The following SND1 variants were observed in gnomAD, a reference collection of about 807,000 sequenced individuals.
The protein encoded by SND1 is staphylococcal nuclease and tudor domain containing 1.
SND1 carries 38 observed loss-of-function variants against 121.7 expected under a neutral mutation model. The ratio of observed to expected loss-of-function variants is 0.31; its 90% CI spans 0.24 to 0.41. SND1 has a LOEUF of 0.41. Among genes scored for constraint, SND1 ranks in the 10% least tolerant of loss-of-function variants. The probability of loss-of-function intolerance (pLI) is 1.00; values close to 1 mark genes in which losing one functional copy is unlikely to be tolerated. For missense variants in SND1, 868 were observed against 1,184.6 expected, an observed-to-expected ratio of 0.73 and a Z score of 3.92; for synonymous variants, 401 against 447.4, an observed-to-expected ratio of 0.90 and a Z score of 1.31.
At chr7:127,895,360 C>G (rs1370287449) in intron 13 of SND1, among the ~76,000 whole-genome samples, 5 of 152,066 alleles carry the variant, frequency 3.3e-5, no homozygotes, top group Non-Finnish European at 5.9e-5. Flanking sequence ...AGTTCGGTGC[C>G]TTACGACTGC....
intron 14 of SND1, among the ~76,000 whole-genome samples, chr7:127,921,871 G>A (rs575860740): frequency 2.0e-4 from 31 of 152,300 alleles, no homozygotes; most frequent in African/African-American, 6.3e-4. Flanking sequence ...TTAGCGTAGA[G>A]TAGTATTCCA....
At chr7:127,813,074 T>G (rs1798362397) in intron 11 of SND1, among the ~76,000 whole-genome samples, 2 of 152,236 alleles carry the variant, frequency 1.3e-5, no homozygotes, top group Admixed American at 1.3e-4. Context: ...CCTTGCCTCC[T>G]CAGTGCCAGC....
intron 12 of SND1, among the ~76,000 whole-genome samples, chr7:127,872,395 A>G (rs1315823262): frequency 6.6e-6 from 1 of 152,178 alleles, no homozygotes; most frequent in East Asian, 1.9e-4. Flanking sequence ...GACTTTCAGT[A>G]CTGAAGAATA....
chr7:127,886,776 C>G (rs2116729095), intron 12 of SND1, among the ~76,000 whole-genome samples: 1 of 148,822 alleles, frequency 6.7e-6, no homozygotes, highest in East Asian at 2.0e-4. Flanking sequence ...ATTCATCCTT[C>G]TCTAGCTAGT....
intron 15 of SND1, among the ~76,000 whole-genome samples, chr7:127,954,982 C>T (rs903630743): frequency 2.0e-5 from 3 of 152,188 alleles, no homozygotes; most frequent in Admixed American, 6.5e-5. Flanking sequence ...TCCCTAGTAT[C>T]TGCAGTGGGA....
At chr7:127,922,755 T>C (rs1215467838) in intron 14 of SND1, among the ~76,000 whole-genome samples, 1 of 152,202 alleles carries the variant, frequency 6.6e-6, no homozygotes, top group African/African-American at 2.4e-5. Context: ...TTAATAATTG[T>C]AATACTCTCT....
intron 10 of SND1, among the ~76,000 whole-genome samples, chr7:127,796,964 C>T (rs1798040619): frequency 7.0e-6 from 1 of 143,772 alleles, no homozygotes; most frequent in Non-Finnish European, 1.5e-5. Flanking sequence ...ATGATCTCAG[C>T]TAAACGCAAC....
intron 16 of SND1, among the ~76,000 whole-genome samples, chr7:127,995,081 G>C (rs748846788): frequency 7.2e-5 from 11 of 152,152 alleles, no homozygotes; most frequent in Non-Finnish European, 1.6e-4. Context: ...TAACAGCCGA[G>C]TTGTGTAGTT....
chr7:127,658,127 C>G (rs181518232), intron 1 of SND1, among the ~76,000 whole-genome samples: 8 of 152,274 alleles, frequency 5.3e-5, no homozygotes, highest in African/African-American at 1.9e-4. Flanking sequence ...GCCCAACCAA[C>G]ATGGCGAAAC....
At chr7:128,091,388 A>ATTT (rs36100064) in intron 22 of SND1, among the ~76,000 whole-genome samples, 2 of 145,440 alleles carry the variant, frequency 1.4e-5, no homozygotes, top group African/African-American at 5.1e-5. Flanking sequence ...TGCCTGGCTA[A>ATTT]TTTTTTTTTT....
intron 1 of SND1, among the ~76,000 whole-genome samples, chr7:127,663,091 T>C (rs1485956787): frequency 6.6e-6 from 1 of 151,788 alleles, no homozygotes; most frequent in Non-Finnish European, 1.5e-5. Context: ...CTCCCTGTCT[T>C]GCCTAGGCTG....
At chr7:127,894,422 C>T (rs1417839158) in intron 13 of SND1, among the ~76,000 whole-genome samples, 1 of 151,626 alleles carries the variant, frequency 6.6e-6, no homozygotes, top group African/African-American at 2.4e-5. Flanking sequence ...TTGACTGGTC[C>T]TTCATATCTG....
chr7:127,659,036 G>A (rs774793420), intron 1 of SND1, among the ~76,000 whole-genome samples: 1 of 152,202 alleles, frequency 6.6e-6, no homozygotes, highest in African/African-American at 2.4e-5. Context: ...GTTACATACT[G>A]TAGGAAATTT....
At position 128,003,090 on chromosome 7, in the gene SND1, C is replaced by T. The variant is rs553334722; in HGVS notation, c.1779+12034C>T. Reference sequence around the variant, plus strand: ...TACAAAAGTTAGCCTGGTGTGATGGCACATCCCTGTAGTCCCAGCTACTCA... The same window carrying T: ...TACAAAAGTTAGCCTGGTGTGATGGTACATCCCTGTAGTCCCAGCTACTCA... On this transcript the variant is annotated intron_variant, in intron 16 of 23. Coordinates refer to ENST00000354725, the MANE Select transcript of SND1 (RefSeq NM_014390.4). Among the ~76,000 whole-genome samples the T allele has an allele frequency of 1.2e-4, 18 of 152,230 alleles. 1 individual carries two copies. In the South Asian group the frequency reaches 3.7e-3, roughly 32 times the overall value.
At chr7:127,908,376 A>G (rs571734152) in intron 14 of SND1, among the ~76,000 whole-genome samples, 3 of 148,878 alleles carry the variant, frequency 2.0e-5, no homozygotes, top group African/African-American at 7.4e-5. Context: ...GTGTTGACCC[A>G]TCTGCGTCTC....
intron 15 of SND1, among the ~76,000 whole-genome samples, chr7:127,941,897 T>G (rs1013101845): frequency 1.4e-4 from 20 of 145,014 alleles, no homozygotes; most frequent in African/African-American, 3.1e-4. Context: ...GAGTTTTTTT[T>G]TTTTTTTTTT....
intron 9 of SND1, among the ~76,000 whole-genome samples, chr7:127,717,131 T>TATAATAATTTAATATAATA (rs1796405817): frequency 6.6e-6 from 1 of 152,240 alleles, no homozygotes; most frequent in Non-Finnish European, 1.5e-5. Flanking sequence ...AGAGTTCTTA[T>TATAATAATTTAATATAATA]ATTACTCATC....
At chr7:127,841,917 A>G (rs572890998) in intron 11 of SND1, among the ~76,000 whole-genome samples, 1 of 152,304 alleles carries the variant, frequency 6.6e-6, no homozygotes, top group East Asian at 1.9e-4. Flanking sequence ...TTGTTGTGCT[A>G]TGACCATACT....
At chr7:128,001,274 T>G (rs547402529) in intron 16 of SND1, among the ~76,000 whole-genome samples, 2 of 152,374 alleles carry the variant, frequency 1.3e-5, no homozygotes, top group African/African-American at 4.8e-5. Flanking sequence ...TAGCTCATTC[T>G]TAGTCTCTTC....
Sources: gnomAD v4.1 joint callset for allele counts (sites outside exome capture counted in the v4.1 genomes callset) on GRCh38, gnomAD v4.1.1 for gene constraint, MANE v1.5 for transcripts, NCBI Gene and HGNC (gene_info 2026-07-23, HGNC 2026-07-21) for gene names.